Variants in IGSF5 observed in about 807,000 individuals in gnomAD.
IGSF5 encodes immunoglobulin superfamily 5 like.
IGSF5 carries 41 observed loss-of-function variants against 39.4 expected under a neutral mutation model. That is an observed-to-expected ratio of 1.04 (90% CI 0.81 to 1.35). IGSF5 has a LOEUF of 1.35. Ranked by LOEUF, IGSF5 falls within the 40% of genes most tolerant of loss-of-function variation. The pLI, the probability that IGSF5 is intolerant of heterozygous loss-of-function variation, is 0.00. For missense variants in IGSF5, 487 were observed against 494.6 expected, an observed-to-expected ratio of 0.98 and a Z score of 0.15; for synonymous variants, 183 against 175.3, an observed-to-expected ratio of 1.04 and a Z score of -0.34.
the IGSF5 span, among the ~76,000 whole-genome samples, chr21:39,716,347 T>TA: frequency 6.6e-6 from 1 of 152,214 alleles, no homozygotes; most frequent in Admixed American, 6.5e-5. Context: ...TTTCTTTTTT[T>TA]AAAAAAATTT....
At chr21:39,756,089 TCAAACAAACAAACAAACAAA>T (rs10533195) in intron 2 of IGSF5, among the ~76,000 whole-genome samples, 89 of 151,236 alleles carry the variant, frequency 5.9e-4, no homozygotes, top group African/African-American at 2.0e-3. Context: ...GGACTCGGTC[TCAAACAAACAAACAAACAAA>T]CAAACAAACA....
chr21:39,735,559 T>C, the IGSF5 span, among the ~76,000 whole-genome samples: 1 of 152,184 alleles, frequency 6.6e-6, no homozygotes, highest in Non-Finnish European at 1.5e-5. Context: ...ATTTTTGAAA[T>C]TCCTCAAAAG....
intron 2 of IGSF5, among the ~76,000 whole-genome samples, chr21:39,759,850 G>A (rs2080052614): frequency 6.9e-6 from 1 of 144,776 alleles, no homozygotes; most frequent in African/African-American, 2.6e-5. Context: ...TTGGGTGACA[G>A]AGCAAGACTC....
At chr21:39,730,635 G>A in the IGSF5 span, 5 of 152,302 alleles carry the variant, frequency 3.3e-5, no homozygotes, top group African/African-American at 7.2e-5. Flanking sequence ...AAAAAGGCCA[G>A]CGTAGTCATT....
At chr21:39,796,710 A>G (rs2086997954) in intron 8 of IGSF5, among the ~76,000 whole-genome samples, 1 of 152,164 alleles carries the variant, frequency 6.6e-6, no homozygotes, top group South Asian at 2.1e-4. Context: ...TTGACTACAG[A>G]TTGCACTATT....
chr21:39,725,409 A>AT, the IGSF5 span, among the ~76,000 whole-genome samples: 1 of 152,186 alleles, frequency 6.6e-6, no homozygotes, highest in Admixed American at 6.5e-5. Flanking sequence ...AGTCAAGCCC[A>AT]TTTTTTCTTC....
At chr21:39,790,916 A>G (rs1167924603) in intron 6 of IGSF5, among the ~76,000 whole-genome samples, 3 of 152,248 alleles carry the variant, frequency 2.0e-5, no homozygotes, top group Non-Finnish European at 4.4e-5. Context: ...ACATTGTATT[A>G]GGTATTATAA....
At chr21:39,752,008 CTTT>C (rs1312012302) in intron 2 of IGSF5, among the ~76,000 whole-genome samples, 1 of 152,084 alleles carries the variant, frequency 6.6e-6, no homozygotes, top group Non-Finnish European at 1.5e-5. Flanking sequence ...TTTCTTTCTT[CTTT>C]TTTTCTTTAC....
chr21:39,752,033 T>G (rs1252220772), intron 2 of IGSF5, among the ~76,000 whole-genome samples: 2 of 152,202 alleles, frequency 1.3e-5, no homozygotes, highest in African/African-American at 4.8e-5. Flanking sequence ...TTTAAAAAAT[T>G]TCAATAGTTT....
At chr21:39,767,544 A>G (rs753399968) in intron 3 of IGSF5, among the ~76,000 whole-genome samples, 3 of 152,180 alleles carry the variant, frequency 2.0e-5, no homozygotes, top group Non-Finnish European at 2.9e-5. Flanking sequence ...GAGTAGGTCT[A>G]TGTAAAGCCT....
intron 4 of IGSF5, among the ~76,000 whole-genome samples, chr21:39,778,053 G>C (rs1303875033): frequency 6.6e-6 from 1 of 152,174 alleles, no homozygotes. Context: ...TTGAGTGACA[G>C]CCTTTTGTTG....
chr21:39,732,838 T>C, the IGSF5 span, among the ~76,000 whole-genome samples: 1 of 151,994 alleles, frequency 6.6e-6, no homozygotes. Context: ...CCAGCCTGGG[T>C]GACATGGTGA....
At chr21:39,767,369 A>G (rs185330947) in intron 3 of IGSF5, among the ~76,000 whole-genome samples, 20 of 152,278 alleles carry the variant, frequency 1.3e-4, no homozygotes, top group African/African-American at 4.8e-4. Flanking sequence ...AATTCCCTGC[A>G]CATTAAGTTG....
At chr21:39,714,153 T>A in the IGSF5 span, among the ~76,000 whole-genome samples, 16 of 152,376 alleles carry the variant, frequency 1.1e-4, no homozygotes, top group African/African-American at 3.8e-4. Context: ...GTGTGCCTTG[T>A]CTATGGTCAC....
At chr21:39,728,421 C>A in the IGSF5 span, among the ~76,000 whole-genome samples, 2 of 152,146 alleles carry the variant, frequency 1.3e-5, no homozygotes, top group Non-Finnish European at 2.9e-5. Flanking sequence ...ACAACAAATA[C>A]CTGAGCCAGG....
intron 8 of IGSF5, among the ~76,000 whole-genome samples, chr21:39,797,621 A>G (rs1379134052): frequency 1.3e-5 from 2 of 152,114 alleles, no homozygotes; most frequent in East Asian, 3.9e-4. Flanking sequence ...GGCTCAAGGG[A>G]TCCTCCTGCC....
the IGSF5 span, among the ~76,000 whole-genome samples, chr21:39,739,790 G>A: frequency 6.6e-6 from 1 of 152,238 alleles, no homozygotes; most frequent in Non-Finnish European, 1.5e-5. Flanking sequence ...TCTTAGTCAT[G>A]GACTGCATCT....
chr21:39,764,958 G>C (rs1238975731), intron 2 of IGSF5, among the ~76,000 whole-genome samples: 2 of 152,222 alleles, frequency 1.3e-5, no homozygotes, highest in Non-Finnish European at 2.9e-5. Flanking sequence ...GATGTTGCCA[G>C]CTGGCAGAGT....
the IGSF5 span, chr21:39,722,364 G>A: frequency 6.6e-6 from 1 of 152,212 alleles, no homozygotes; most frequent in Non-Finnish European, 1.5e-5. Context: ...CTGCCCCGTT[G>A]AAGTAAGCTG....
Sources: allele counts gnomAD v4.1 joint callset (sites outside exome capture counted in the v4.1 genomes callset), GRCh38; gene constraint gnomAD v4.1.1; transcripts MANE v1.5; gene names NCBI Gene and HGNC (gene_info 2026-07-23, HGNC 2026-07-21).